LRRTM3: variants seen among roughly 807,000 people sequenced by gnomAD.
LRRTM3 encodes leucine rich repeat transmembrane neuronal 3, also known as leucine-rich repeat transmembrane neuronal protein 3.
A neutral mutation model predicts 44.7 loss-of-function variants in LRRTM3; 24 were observed. The ratio of observed to expected loss-of-function variants is 0.54; its 90% confidence interval spans 0.39 to 0.76. LRRTM3 has a LOEUF of 0.76. LRRTM3 is among the 30% of genes least tolerant of loss of function. The pLI is 0.00. For missense variants in LRRTM3, 587 were observed against 702.2 expected (o/e 0.84, Z 1.85); for synonymous variants, 277 against 278.7 (o/e 0.99, Z 0.06).
At chr10:66,977,083 T>C (rs553984402) in intron 2 of LRRTM3, among the ~76,000 whole-genome samples, 24 of 152,190 alleles carry the variant, frequency 1.6e-4, no homozygotes, top group African/African-American at 5.5e-4. Context: ...TATAAATCAA[T>C]GGGAAAATAG....
At chr10:67,066,023 C>T (rs2133235553) in intron 2 of LRRTM3, among the ~76,000 whole-genome samples, 1 of 151,742 alleles carries the variant, frequency 6.6e-6, no homozygotes, top group African/African-American at 2.4e-5. Flanking sequence ...ATAATAATTG[C>T]TCATTTTAGA....
At chr10:67,010,037 T>C (rs183637400) in intron 2 of LRRTM3, among the ~76,000 whole-genome samples, 1 of 152,306 alleles carries the variant, frequency 6.6e-6, no homozygotes, top group Admixed American at 6.5e-5. Flanking sequence ...TCCATTACTA[T>C]ATATCTCTTC....
At chr10:66,965,236 TTTTG>T (rs142910322) in intron 2 of LRRTM3, among the ~76,000 whole-genome samples, 10,949 of 152,108 alleles carry the variant, frequency 0.072, 397 homozygotes, top group Middle Eastern at 0.11. Context: ...TTTGGGGTTT[TTTTG>T]TTTGTTTGTT....
At chr10:66,978,535 A>ATAAAAATAAAATAAAAAT (rs1324868428) in intron 2 of LRRTM3, among the ~76,000 whole-genome samples, 10 of 99,754 alleles carry the variant, frequency 1.0e-4, no homozygotes, top group Non-Finnish European at 2.2e-4. Context: ...TCAAAAAAAA[A>ATAAAAATAAAATAAAAAT]AAAAAAAAAA....
intron 2 of LRRTM3, among the ~76,000 whole-genome samples, chr10:66,952,328 A>G (rs766192069): frequency 2.0e-5 from 3 of 152,208 alleles, no homozygotes; most frequent in Non-Finnish European, 4.4e-5. Flanking sequence ...TTTATACTCA[A>G]TCTAAGAGCT....
intron 2 of LRRTM3, among the ~76,000 whole-genome samples, chr10:67,024,893 G>A (rs545342185): frequency 1.4e-4 from 21 of 152,068 alleles, no homozygotes; most frequent in Admixed American, 3.9e-4. Flanking sequence ...CACTTTAGGG[G>A]GCCAAGGCGG....
intron 2 of LRRTM3, among the ~76,000 whole-genome samples, chr10:66,974,995 T>C (rs1436830193): frequency 6.6e-6 from 1 of 152,124 alleles, no homozygotes; most frequent in Non-Finnish European, 1.5e-5. Flanking sequence ...TCTGAAACAA[T>C]AGGCCTGGAA....
At chr10:67,008,010 T>G (rs1388448706) in intron 2 of LRRTM3, among the ~76,000 whole-genome samples, 7 of 152,044 alleles carry the variant, frequency 4.6e-5, no homozygotes, top group Admixed American at 4.6e-4. Context: ...TATACTTGAA[T>G]TAATCACAGT....
At chr10:66,970,492 T>C (rs1325248654) in intron 2 of LRRTM3, among the ~76,000 whole-genome samples, 4 of 114,868 alleles carry the variant, frequency 3.5e-5, no homozygotes, top group South Asian at 3.0e-4. Flanking sequence ...AAAAGGTCTA[T>C]ATTCTTGGGT....
intron 2 of LRRTM3, among the ~76,000 whole-genome samples, chr10:67,021,172 G>A (rs1474665003): frequency 2.0e-5 from 3 of 152,070 alleles, no homozygotes; most frequent in Non-Finnish European, 4.4e-5. Flanking sequence ...TTAGGCAAAA[G>A]TATCAAGATC....
chr10:67,033,107 T>G (rs1853832872), intron 2 of LRRTM3, among the ~76,000 whole-genome samples: 1 of 152,242 alleles, frequency 6.6e-6, no homozygotes, highest in South Asian at 2.1e-4. Context: ...AAAAGAACTA[T>G]TTTAACAAAA....
chr10:66,955,091 G>A (rs1848719372), intron 2 of LRRTM3, among the ~76,000 whole-genome samples: 1 of 152,100 alleles, frequency 6.6e-6, no homozygotes, highest in Non-Finnish European at 1.5e-5. Context: ...CAACAAAATA[G>A]AAGGAAGACT....
intron 2 of LRRTM3, among the ~76,000 whole-genome samples, chr10:67,020,416 A>C (rs1486036125): frequency 6.6e-6 from 1 of 152,194 alleles, no homozygotes; most frequent in East Asian, 1.9e-4. Context: ...AATGGATGGC[A>C]GCAGGGATAT....
chr10:66,962,640 T>C (rs1172814339), intron 2 of LRRTM3, among the ~76,000 whole-genome samples: 1 of 152,030 alleles, frequency 6.6e-6, no homozygotes, highest in Non-Finnish European at 1.5e-5. Context: ...CTCGATCTCC[T>C]GATCTCGTGA....
intron 2 of LRRTM3, among the ~76,000 whole-genome samples, chr10:66,937,949 A>C (rs1255757452): frequency 6.6e-6 from 1 of 151,918 alleles, no homozygotes; most frequent in Admixed American, 6.6e-5. Flanking sequence ...AGAGTTATTA[A>C]GGGGTTTGTA....
At chr10:66,985,183 G>A (rs558570022) in intron 2 of LRRTM3, among the ~76,000 whole-genome samples, 1 of 152,230 alleles carries the variant, frequency 6.6e-6, no homozygotes, top group East Asian at 1.9e-4. Context: ...TCAGTCATGG[G>A]TGAGTAAAAA....
intron 2 of LRRTM3, among the ~76,000 whole-genome samples, chr10:67,070,640 G>T (rs1279471317): frequency 6.6e-6 from 1 of 151,878 alleles, no homozygotes; most frequent in Non-Finnish European, 1.5e-5. Flanking sequence ...CCAGCTGCTT[G>T]GGAGGCTGAG....
In LRRTM3 at chr10:66,927,275, G is replaced by T; in HGVS notation, c.359G>T (p.Arg120Ile). The stretch of plus-strand genomic sequence containing the variant: ...AAAGAGCTGATTCTTAGTTCCAATA[G>T]AATCTCCTATTTTCTTAACAATACC... ...RLKELILSSN[R>I]ISYFLNNTFR... Residue 120 changes from arginine (R) to isoleucine (I), a missense_variant, in exon 2 of 3, where the codon AGA (arginine) becomes ATA (isoleucine). By Grantham distance (97) the Arg-to-Ile change is moderately conservative. Transcript: ENST00000361320. This position sits in a 1 kb window ranked among gnomAD's most constrained non-coding sequence, Gnocchi z 4.7. 6.2e-7 allele frequency: 1 copy of T among 1,614,068 alleles called. No individual in the cohort carries two copies. The highest frequency in any genetic ancestry group is 8.5e-7 in the Non-Finnish European group (1 of 1,180,030).
At chr10:67,032,829 T>C (rs886899013) in intron 2 of LRRTM3, among the ~76,000 whole-genome samples, 1 of 152,200 alleles carries the variant, frequency 6.6e-6, no homozygotes, top group African/African-American at 2.4e-5. Context: ...CACTGAATCC[T>C]TGGCTCTCAG....
Sources: allele counts gnomAD v4.1 joint callset (sites outside exome capture counted in the v4.1 genomes callset), GRCh38; gene constraint gnomAD v4.1.1; non-coding constraint Gnocchi (gnomAD v3.1); transcripts MANE v1.5; gene names NCBI Gene and HGNC (gene_info 2026-07-23, HGNC 2026-07-21).